The following STRN variants were observed in gnomAD, a reference collection of about 807,000 sequenced individuals.
STRN encodes striatin, also known as protein phosphatase 2 regulatory subunit B'''alpha.
STRN carries 53 observed loss-of-function variants against 96.3 expected under a neutral mutation model. That is an observed-to-expected ratio of 0.55 (90% confidence interval 0.44 to 0.69). STRN has a LOEUF of 0.69. STRN is among the 30% of genes least tolerant of loss of function. The probability of loss-of-function intolerance (pLI) is 0.00; values close to 1 mark genes in which losing one functional copy is unlikely to be tolerated. For missense variants in STRN, 987 were observed against 963.9 expected, an observed-to-expected ratio of 1.02 and a Z score of -0.32; for synonymous variants, 428 against 355.9, an observed-to-expected ratio of 1.20 and a Z score of -2.28.
chr2:36,855,042 C>A (rs1668309714), intron 15 of STRN, among the ~76,000 whole-genome samples, 170 bp downstream of exon 15: 1 of 152,186 alleles, frequency 6.6e-6, no homozygotes, highest in East Asian at 1.9e-4. Flanking sequence ...ATAAACTTAA[C>A]CCAAATTCTT....
rs776908559 is a variant in STRN at position 36,872,855 on chromosome 2, T to TA, written c.1324-3127dup. Among the ~76,000 whole-genome samples the TA allele has an allele frequency of 7.0e-3, 1,059 of 150,252 alleles. 16 individuals are homozygous for TA. Among genetic ancestry groups the TA allele is most frequent in the African/African-American group, 0.024 (965 of 40,900 alleles). Reference sequence around the variant, plus strand: ...ACAAGTAGAAAAGCAGAATTAAACATAAAAAAAAACAGACAAAAAATACTG... The same window carrying TA: ...ACAAGTAGAAAAGCAGAATTAAACATAAAAAAAAAACAGACAAAAAATACTG... On this transcript the variant is annotated intron_variant, in intron 10 of 17. Transcript: ENST00000263918.
chr2:36,957,496 A>T (rs1383254866), intron 1 of STRN, among the ~76,000 whole-genome samples: 1 of 152,044 alleles, frequency 6.6e-6, no homozygotes, highest in East Asian at 1.9e-4. Context: ...GCTGAGGCAC[A>T]AGAATCGCTG....
intron 12 of STRN, among the ~76,000 whole-genome samples, chr2:36,865,614 T>C (rs1365460832): frequency 2.0e-5 from 3 of 152,084 alleles, no homozygotes; most frequent in African/African-American, 4.8e-5. Flanking sequence ...CAGGTTGGAG[T>C]GCAGTGGTGG....
intron 1 of STRN, among the ~76,000 whole-genome samples, chr2:36,951,299 C>A (rs1232920033): frequency 2.0e-5 from 3 of 152,216 alleles, no homozygotes; most frequent in African/African-American, 7.2e-5. Context: ...CAACTAGCAT[C>A]AAGTAGCAAT....
intron 1 of STRN, among the ~76,000 whole-genome samples, chr2:36,941,849 A>G (rs1670853448): frequency 6.6e-6 from 1 of 151,848 alleles, no homozygotes; most frequent in African/African-American, 2.4e-5. Flanking sequence ...CACCGCACCC[A>G]GCCCTATTAT....
At chr2:36,854,058 T>C (rs1180899298) in intron 15 of STRN, among the ~76,000 whole-genome samples, 3 of 122,724 alleles carry the variant, frequency 2.4e-5, no homozygotes, top group Admixed American at 2.4e-4. Context: ...GTTCTCTTTA[T>C]CCATCTTATC....
At chr2:36,963,122 G>C (rs1438508991) in intron 1 of STRN, among the ~76,000 whole-genome samples, 1 of 152,166 alleles carries the variant, frequency 6.6e-6, no homozygotes, top group Non-Finnish European at 1.5e-5. Flanking sequence ...ATGAGCAAGA[G>C]TGAAATAAGT....
intron 1 of STRN, among the ~76,000 whole-genome samples, chr2:36,944,141 T>C (rs1386942418): frequency 3.3e-5 from 5 of 151,892 alleles, no homozygotes; most frequent in African/African-American, 9.7e-5. Context: ...ACAAAAAAAC[T>C]CATACTTAAA....
At chr2:36,889,001 T>C (rs1464076759) in intron 7 of STRN, among the ~76,000 whole-genome samples, 2 of 152,108 alleles carry the variant, frequency 1.3e-5, no homozygotes, top group African/African-American at 4.8e-5. Flanking sequence ...CTATTTTGAA[T>C]TGTAACCTGC....
intron 1 of STRN, among the ~76,000 whole-genome samples, chr2:36,936,085 T>TA (rs999056814): frequency 7.9e-5 from 12 of 151,358 alleles, no homozygotes; most frequent in African/African-American, 1.7e-4. Context: ...ACAATTTCTC[T>TA]AAAAAAAAAC....
At position 36,867,996 on chromosome 2, in the gene STRN, G is replaced by C. The variant is rs6752845; in HGVS notation, c.1500-135C>G. ...TCTCAACTACACGATACGTAAGAAAGCTTACTTAACACCAATTATACTTTC... is the reference window on the plus strand; with the variant it reads ...TCTCAACTACACGATACGTAAGAAACCTTACTTAACACCAATTATACTTTC... On this transcript the variant is annotated intron_variant, in intron 11 of 17. Coordinates refer to ENST00000263918, the MANE Select transcript of STRN (RefSeq NM_003162.4). 0.44 allele frequency: 217,402 copies of C among 498,184 alleles called. 48,875 individuals are homozygous for C. The highest frequency in any genetic ancestry group is 0.61 in the East Asian group (18,851 of 30,846). 30.9% of individuals were successfully genotyped at this position (498,184 alleles called of 1,614,324 possible). A position where few individuals can be genotyped will look rare whatever the true frequency, so the allele number is the denominator to read the frequency against.
chr2:36,905,096 A>G lies in STRN; in HGVS notation c.491+444T>C, dbSNP rs191957345. On this transcript the variant is annotated intron_variant, in intron 4 of 17. Transcript: ENST00000263918. ...GCAATTCTCCTGCCTCAGCCTCCCAAGAAGCTGGGATTACAGGCATGTGCC... is the reference window on the plus strand; with the variant it reads ...GCAATTCTCCTGCCTCAGCCTCCCAGGAAGCTGGGATTACAGGCATGTGCC... Among the ~76,000 whole-genome samples the G allele has an allele frequency of 1.1e-3, 172 of 152,058 alleles. 4 individuals are homozygous for G. The East Asian group carries it at 0.028, about 25-fold the overall frequency.
At chr2:36,929,888 G>GA (rs1305945585) in intron 1 of STRN, among the ~76,000 whole-genome samples, 8 of 152,126 alleles carry the variant, frequency 5.3e-5, no homozygotes, top group Non-Finnish European at 1.0e-4. Flanking sequence ...TATAAAGCTT[G>GA]ATTAATTTAA....
chr2:36,929,041 G>A (rs1670498312), intron 1 of STRN, among the ~76,000 whole-genome samples: 1 of 151,446 alleles, frequency 6.6e-6, no homozygotes, highest in Admixed American at 6.6e-5. Flanking sequence ...CCTAATAACA[G>A]CATATACTTC....
Position 36,845,990 on chromosome 2 carries a change from C to G in STRN, c.*3466G>C, listed in dbSNP as rs1305168029. On this transcript the variant is annotated 3_prime_UTR_variant, in exon 18 of 18. Coordinates refer to ENST00000263918, the MANE Select transcript of STRN (RefSeq NM_003162.4). ...TCTCTCTGTGCCCCCCCTCCCACCC[C>G]CTCCCCAAACTCAATCTTCATCCTC... 12 of 118,884 alleles carry G rather than the reference C, an allele frequency of 1.0e-4. No homozygotes were observed. The East Asian group carries it at 3.3e-3, about 33-fold the overall frequency. 7.4% of individuals were successfully genotyped at this position (118,884 alleles called of 1,614,324 possible). A position where few individuals can be genotyped will look rare whatever the true frequency, so the allele number is the denominator to read the frequency against.
intron 2 of STRN, among the ~76,000 whole-genome samples, chr2:36,916,705 G>A (rs1670108888): frequency 1.3e-5 from 2 of 152,084 alleles, no homozygotes; most frequent in South Asian, 4.1e-4. Flanking sequence ...CCAGTAGAAA[G>A]GAATTTTTTT....
In STRN at chr2:36,966,229, C is replaced by A; in HGVS notation, c.234+1G>T. On this transcript the variant is annotated splice_donor_variant, in intron 1 of 17. Coordinates refer to ENST00000263918, the MANE Select transcript of STRN (RefSeq NM_003162.4). LOFTEE classifies it high-confidence loss of function. ...GACGGCCAGGCCGGGAGGGTCTTTACCTGCAGCTCCGCCCGCTCCACCTCC... is the reference window on the plus strand; with the variant it reads ...GACGGCCAGGCCGGGAGGGTCTTTAACTGCAGCTCCGCCCGCTCCACCTCC... The A allele has an allele frequency of 6.4e-7, 1 of 1,562,534 alleles. No individual in the cohort carries two copies. The highest frequency in any genetic ancestry group is 1.2e-5 in the South Asian group (1 of 85,998).
intron 8 of STRN, among the ~76,000 whole-genome samples, chr2:36,884,928 T>C (rs551302433): frequency 2.0e-5 from 3 of 152,300 alleles, no homozygotes; most frequent in Admixed American, 6.5e-5. Flanking sequence ...TGTTCCTAGA[T>C]TGCTATTTTA....
In STRN at chr2:36,851,015, A is replaced by T; in HGVS notation, c.2071T>A (p.Tyr691Asn). ...TAHEDRHIKF[Y>N]DNNTGKLIHS... Reference sequence around the variant, plus strand: ...AAATTCTTACCTGTATTGTTATCATAGAATTTGATGTGCCTGTCTTCATGA... The same window carrying T: ...AAATTCTTACCTGTATTGTTATCATTGAATTTGATGTGCCTGTCTTCATGA... Residue 691 changes from tyrosine (Y) to asparagine (N), a missense_variant, in exon 16 of 18, where the codon TAT becomes AAT. Transcript: ENST00000263918. 1 of 1,609,534 alleles carries T rather than the reference A, an allele frequency of 6.2e-7. No individual in the cohort carries two copies. The highest frequency in any genetic ancestry group is 8.5e-7 in the Non-Finnish European group (1 of 1,177,372).
Sources: allele counts gnomAD v4.1 joint callset (sites outside exome capture counted in the v4.1 genomes callset), GRCh38; gene constraint gnomAD v4.1.1; transcripts MANE v1.5; gene names NCBI Gene and HGNC (gene_info 2026-07-23, HGNC 2026-07-21).